Variants in ZNF804B observed in about 807,000 individuals in gnomAD.
ZNF804B encodes zinc finger 804B.
A neutral mutation model predicts 101.4 loss-of-function variants in ZNF804B; 80 were observed. The ratio of observed to expected loss-of-function variants is 0.79; its 90% CI spans 0.66 to 0.95. ZNF804B has a LOEUF of 0.95. Among genes scored for constraint, ZNF804B ranks in the 40% least tolerant of loss-of-function variants. ZNF804B has a pLI of 0.00. For missense variants in ZNF804B, 1,673 were observed against 1,561.9 expected (o/e 1.07, Z -1.20); for synonymous variants, 622 against 558.8 (o/e 1.11, Z -1.59).
chr7:89,121,478 T>TA (rs1471705416), intron 1 of ZNF804B, among the ~76,000 whole-genome samples: 11 of 152,112 alleles, frequency 7.2e-5, no homozygotes, highest in Admixed American at 4.6e-4. Flanking sequence ...TACAAACAGT[T>TA]AAAAAATTAT....
intron 1 of ZNF804B, among the ~76,000 whole-genome samples, chr7:89,178,169 T>G (rs1046392217): frequency 6.6e-6 from 1 of 152,066 alleles, no homozygotes; most frequent in Non-Finnish European, 1.5e-5. Context: ...TCTCTATAGG[T>G]GAAGTATATT....
chr7:89,205,643 GTTCCCATGA>G (rs1788704392), intron 1 of ZNF804B, among the ~76,000 whole-genome samples: 1 of 152,160 alleles, frequency 6.6e-6, no homozygotes, highest in Non-Finnish European at 1.5e-5. Context: ...CCAAAGGTGG[GTTCCCATGA>G]TCTTGGGCAG....
At chr7:88,774,046 C>A (rs954684044) in intron 1 of ZNF804B, among the ~76,000 whole-genome samples, 1 of 151,894 alleles carries the variant, frequency 6.6e-6, no homozygotes, top group African/African-American at 2.4e-5. Context: ...AGGTAAGGGG[C>A]ATCTGAAATG....
intron 1 of ZNF804B, among the ~76,000 whole-genome samples, chr7:88,954,810 G>A (rs1584037001): frequency 1.3e-5 from 2 of 151,748 alleles, no homozygotes; most frequent in East Asian, 3.9e-4. Context: ...TCTTAACAGT[G>A]GGTAATTCAC....
chr7:89,148,948 A>G (rs1039753689), intron 1 of ZNF804B, among the ~76,000 whole-genome samples: 4 of 152,026 alleles, frequency 2.6e-5, no homozygotes, highest in Non-Finnish European at 4.4e-5. Context: ...ACAGCTGCCT[A>G]TGAGAATTAT....
intron 1 of ZNF804B, among the ~76,000 whole-genome samples, chr7:88,910,567 T>C (rs375051513): frequency 7.9e-5 from 12 of 151,920 alleles, no homozygotes; most frequent in Non-Finnish European, 1.6e-4. Flanking sequence ...CAGTGGCTGG[T>C]AAATAGTAGA....
chr7:88,809,060 TA>T, intron 1 of ZNF804B, among the ~76,000 whole-genome samples: 1 of 152,288 alleles, frequency 6.6e-6, no homozygotes, highest in Non-Finnish European at 1.5e-5. Context: ...TAGAAGTATC[TA>T]AAATAACTAA....
At chr7:88,984,305 A>T (rs1304024850) in intron 1 of ZNF804B, among the ~76,000 whole-genome samples, 1 of 152,044 alleles carries the variant, frequency 6.6e-6, no homozygotes, top group Non-Finnish European at 1.5e-5. Context: ...TTTCTTCTTA[A>T]TGGAGGAATT....
chr7:89,155,374 T>C (rs1181224585), intron 1 of ZNF804B, among the ~76,000 whole-genome samples: 3 of 152,118 alleles, frequency 2.0e-5, no homozygotes, highest in Non-Finnish European at 4.4e-5. Flanking sequence ...TGATTTCTCA[T>C]CCATAATATC....
intron 1 of ZNF804B, among the ~76,000 whole-genome samples, chr7:89,028,953 T>G (rs1466065205): frequency 6.6e-6 from 1 of 152,198 alleles, no homozygotes; most frequent in Admixed American, 6.5e-5. Flanking sequence ...TTACAGGAAT[T>G]GATCTCCTAC....
chr7:89,281,753 C>G (rs1790099422), intron 2 of ZNF804B, among the ~76,000 whole-genome samples: 1 of 152,044 alleles, frequency 6.6e-6, no homozygotes, highest in African/African-American at 2.4e-5. Flanking sequence ...TGTCTATAGA[C>G]TATAAACAGG....
At chr7:89,086,470 A>G (rs890370596) in intron 1 of ZNF804B, among the ~76,000 whole-genome samples, 1 of 152,012 alleles carries the variant, frequency 6.6e-6, no homozygotes, top group East Asian at 1.9e-4. Flanking sequence ...TACTGTAATT[A>G]CTGAATTATG....
intron 1 of ZNF804B, among the ~76,000 whole-genome samples, chr7:88,855,638 G>A (rs1418277495): frequency 6.6e-6 from 1 of 152,180 alleles, no homozygotes; most frequent in African/African-American, 2.4e-5. Flanking sequence ...TTTGGCTTTT[G>A]TTGCCATTGC....
At chr7:89,249,788 C>A (rs529324664) in intron 2 of ZNF804B, among the ~76,000 whole-genome samples, 75 of 152,218 alleles carry the variant, frequency 4.9e-4, no homozygotes, top group African/African-American at 1.8e-3. Context: ...ACTAAAATCA[C>A]ACCAGAAGTG....
rs185951881 is a variant in ZNF804B at position 88,946,263 on chromosome 7, C to G, written c.108+186179C>G. ...CTTATTATTTTGAGATACATTCCAT[C>G]GATACCTAGTTTATTGAGAGTTTTT... On this transcript the variant is annotated intron_variant, in intron 1 of 3. Coordinates refer to ENST00000333190, the MANE Select transcript of ZNF804B (RefSeq NM_181646.5). Among the ~76,000 whole-genome samples, 716 of 149,910 alleles carry G rather than the reference C, an allele frequency of 4.8e-3. 6 individuals are homozygous for G. Among genetic ancestry groups the G allele is most frequent in the African/African-American group, 0.016 (668 of 40,632 alleles).
rs1326508180 is a variant in ZNF804B at position 89,220,062 on chromosome 7, C to T, written c.249+1767C>T. On this transcript the variant is annotated intron_variant, in intron 2 of 3. Transcript: ENST00000333190. ...ATATATGTGCATATATACATATATA[C>T]GCACATATATGTGTATATACATATA... 4.0e-5 allele frequency among the ~76,000 whole-genome samples: 4 copies of T among 100,086 alleles called. 1 individual carries two copies. The highest frequency in any genetic ancestry group is 8.2e-5 in the Non-Finnish European group (4 of 48,790). The allele number at this position is 100,086 out of a possible 152,430, so 65.7% of individuals were successfully genotyped here.
intron 1 of ZNF804B, among the ~76,000 whole-genome samples, chr7:88,907,731 A>G (rs1405466624): frequency 2.6e-5 from 4 of 151,960 alleles, no homozygotes; most frequent in African/African-American, 9.7e-5. Flanking sequence ...CATTTTTACA[A>G]AATATGGAAG....
intron 1 of ZNF804B, among the ~76,000 whole-genome samples, chr7:88,845,313 A>G (rs917135587): frequency 1.3e-5 from 2 of 151,996 alleles, no homozygotes; most frequent in South Asian, 2.1e-4. Flanking sequence ...ACACACACAC[A>G]CACACACAAT....
intron 1 of ZNF804B, among the ~76,000 whole-genome samples, chr7:88,786,297 C>T (rs1002810701): frequency 2.0e-5 from 3 of 151,934 alleles, no homozygotes; most frequent in African/African-American, 7.2e-5. Flanking sequence ...TATAGAGAGC[C>T]CTTTATGTGT....
Sources: gnomAD v4.1 joint callset for allele counts (sites outside exome capture counted in the v4.1 genomes callset) on GRCh38, gnomAD v4.1.1 for gene constraint, MANE v1.5 for transcripts, NCBI Gene and HGNC (gene_info 2026-07-23, HGNC 2026-07-21) for gene names.